HEMK2: variants seen among roughly 807,000 people sequenced by gnomAD.
HEMK2 encodes methyltransferase HEMK2.
chr21:28,666,176 C>T, the HEMK2 span, among the ~76,000 whole-genome samples: 1 of 152,126 alleles, frequency 6.6e-6, no homozygotes, highest in Admixed American at 6.6e-5. Flanking sequence ...GAGTTTGTTT[C>T]CATTTGTCTC....
the HEMK2 span, among the ~76,000 whole-genome samples, chr21:28,858,321 C>T: frequency 6.6e-6 from 1 of 152,164 alleles, no homozygotes; most frequent in African/African-American, 2.4e-5. Flanking sequence ...CCATAGACTA[C>T]CTTCACTTCT....
At chr21:28,674,473 C>G in the HEMK2 span, among the ~76,000 whole-genome samples, 1 of 152,152 alleles carries the variant, frequency 6.6e-6, no homozygotes, top group Non-Finnish European at 1.5e-5. Context: ...GTCAAAGACT[C>G]TCAAAAGCAT....
the HEMK2 span, among the ~76,000 whole-genome samples, chr21:28,719,755 C>T: frequency 6.6e-6 from 1 of 152,212 alleles, no homozygotes; most frequent in Non-Finnish European, 1.5e-5. Flanking sequence ...CACCCAAATA[C>T]ACGGAAAGCA....
chr21:28,829,282 A>C, the HEMK2 span, among the ~76,000 whole-genome samples: 1 of 152,330 alleles, frequency 6.6e-6, no homozygotes, highest in African/African-American at 2.4e-5. Flanking sequence ...CTAAGGTTTG[A>C]ATGTGTCCCT....
At chr21:28,617,513 C>A in the HEMK2 span, among the ~76,000 whole-genome samples, 2 of 152,160 alleles carry the variant, frequency 1.3e-5, no homozygotes, top group African/African-American at 4.8e-5. Context: ...TCTCAGACTG[C>A]CACCTCTAGT....
the HEMK2 span, among the ~76,000 whole-genome samples, chr21:28,763,729 T>G: frequency 6.6e-6 from 1 of 152,206 alleles, no homozygotes; most frequent in East Asian, 1.9e-4. Context: ...TAAAAGGGAA[T>G]GAGCTGATGA....
At chr21:28,697,287 C>T in the HEMK2 span, among the ~76,000 whole-genome samples, 623 of 152,226 alleles carry the variant, frequency 4.1e-3, 3 homozygotes, top group Non-Finnish European at 7.5e-3. Flanking sequence ...ACCCTAAATG[C>T]TCTCTCTCAA....
chr21:28,794,790 C>A, the HEMK2 span, among the ~76,000 whole-genome samples: 1 of 152,176 alleles, frequency 6.6e-6, no homozygotes, highest in Non-Finnish European at 1.5e-5. Context: ...TCTGACTCTG[C>A]GAAGGCTGTT....
chr21:28,614,419 A>T, the HEMK2 span, among the ~76,000 whole-genome samples: 7 of 152,270 alleles, frequency 4.6e-5, no homozygotes, highest in East Asian at 1.3e-3. Context: ...ATACATTAAA[A>T]AAAAAACATA....
chr21:28,852,472 T>G, the HEMK2 span, among the ~76,000 whole-genome samples: 1 of 152,044 alleles, frequency 6.6e-6, no homozygotes, highest in Non-Finnish European at 1.5e-5. Context: ...TCCCCTGGAG[T>G]CAATGTCAGC....
the HEMK2 span, among the ~76,000 whole-genome samples, chr21:28,663,821 C>A: frequency 6.6e-6 from 1 of 152,150 alleles, no homozygotes; most frequent in Non-Finnish European, 1.5e-5. Flanking sequence ...ATAAATGAAA[C>A]ATATAATCAT....
chr21:28,692,471 A>C, the HEMK2 span, among the ~76,000 whole-genome samples: 2 of 152,202 alleles, frequency 1.3e-5, no homozygotes, highest in Non-Finnish European at 2.9e-5. Context: ...AAGTAAAGTA[A>C]AAATAGAATA....
At chr21:28,596,064 A>C in the HEMK2 span, among the ~76,000 whole-genome samples, 2 of 149,860 alleles carry the variant, frequency 1.3e-5, no homozygotes, top group South Asian at 4.2e-4. Context: ...TTTTTTTGAG[A>C]TAGAGTCTCA....
At chr21:28,585,448 T>C in the HEMK2 span, among the ~76,000 whole-genome samples, 1 of 152,006 alleles carries the variant, frequency 6.6e-6, no homozygotes, top group African/African-American at 2.4e-5. Context: ...GCTCCAGGTA[T>C]TGGAATTATC....
chr21:28,636,111 T>G, the HEMK2 span, among the ~76,000 whole-genome samples: 2 of 152,308 alleles, frequency 1.3e-5, no homozygotes, highest in South Asian at 4.1e-4. Context: ...ATTCGGGACC[T>G]TTATTACTAT....
chr21:28,581,224 C>CT, the HEMK2 span, among the ~76,000 whole-genome samples: 22,613 of 132,470 alleles, frequency 0.17, 2,335 homozygotes, highest in South Asian at 0.29. Context: ...AAAAGTATGG[C>CT]TTTTTTTTTT....
At chr21:28,677,604 G>A in the HEMK2 span, among the ~76,000 whole-genome samples, 1 of 152,210 alleles carries the variant, frequency 6.6e-6, no homozygotes, top group Non-Finnish European at 1.5e-5. Context: ...GCCTCCTCAA[G>A]TGGGTCCCTG....
chr21:28,867,417 C>T, the HEMK2 span, among the ~76,000 whole-genome samples: 1 of 152,136 alleles, frequency 6.6e-6, no homozygotes, highest in Non-Finnish European at 1.5e-5. Context: ...TCACCAAGGG[C>T]AAGTGAAAAA....
chr21:28,880,949 A>AAAAAAAAAAAAAAAAG, the HEMK2 span, among the ~76,000 whole-genome samples: 1 of 139,690 alleles, frequency 7.2e-6, no homozygotes, highest in Non-Finnish European at 1.6e-5. Context: ...AAAAAAAAAA[A>AAAAAAAAAAAAAAAAG]AAACCGGAAA....
Sources: gnomAD v4.1 joint callset for allele counts (sites outside exome capture counted in the v4.1 genomes callset) on GRCh38, gnomAD v4.1.1 for gene constraint, MANE v1.5 for transcripts, NCBI Gene and HGNC (gene_info 2026-07-23, HGNC 2026-07-21) for gene names.